CDK11B: variants seen among roughly 807,000 people sequenced by gnomAD.
The protein encoded by CDK11B is cyclin-dependent kinase 11B.
Under a neutral mutation model 84.0 loss-of-function variants are expected in CDK11B, and 37 were observed. The observed-to-expected ratio is 0.44, with a 90% confidence interval of 0.34 to 0.58. The LOEUF (loss-of-function observed/expected upper bound fraction) is 0.58. Ranked by LOEUF, CDK11B falls within the 20% of genes least tolerant of loss-of-function variation. The pLI, the probability that CDK11B is intolerant of heterozygous loss-of-function variation, is 0.02. For synonymous variants in CDK11B, 269 were observed against 309.8 expected (o/e 0.87, Z 1.38); for missense variants, 427 against 834.0 (o/e 0.51, Z 6.01).
intron 17 of CDK11B, 54 bp from the exon 18 acceptor site, chr1:1,636,535 C>A (rs1639320529): frequency 1.9e-6 from 3 of 1,586,098 alleles, no homozygotes; most frequent in Non-Finnish European, 2.6e-6. Context: ...AGTGTTGGCA[C>A]CTGTGTCCCG....
chr1:1,636,974 C>T lies in CDK11B; in HGVS notation c.1723G>A (p.Gly575Arg), dbSNP rs1225987760. The change falls in exon 16 of 20, where the codon GGA becomes AGA. Residue 575 changes from glycine (G) to arginine (R), a missense_variant. Gly to Arg is a moderately radical substitution (Grantham distance 125). Coordinates refer to ENST00000341832, the MANE Select transcript of CDK11B (RefSeq NM_033486.3). Reference sequence around the variant, plus strand: ...GGGGTGTAGGCCTTCAGAGGGGATCCGTACTCCCGCGCCAGCCCGAAGTCA... The same window carrying T: ...GGGGTGTAGGCCTTCAGAGGGGATCTGTACTCCCGCGCCAGCCCGAAGTCA... ...VGDFGLAREY[G>R]SPLKAYTPVV... The T allele has an allele frequency of 2.5e-6, 4 of 1,610,920 alleles. No individual in the cohort carries two copies. The highest frequency in any genetic ancestry group is 1.7e-5 in the Admixed American group (1 of 59,906).
In CDK11B at chr1:1,652,494, T is replaced by G; in HGVS notation, c.300A>C (p.Arg100Ser). Reference sequence around the variant, plus strand: ...GTTTCTCTTTTCTCTTTTCATCTTTTCTGTGATGAGCTTTTTCTTTCCGAG... The same window carrying G: ...GTTTCTCTTTTCTCTTTTCATCTTTGCTGTGATGAGCTTTTTCTTTCCGAG... The part of the protein sequence containing the change: ...QMSRKEKAHH[R>S]KDEKRKEKRR... Residue 100 changes from arginine (R) to serine (S), a missense_variant, in exon 4 of 20, where the codon AGA becomes AGC. Physicochemically the swap from Arg to Ser is moderately radical, Grantham distance 110. Around this residue, in one of 12 missense-constraint regions of CDK11B, gnomAD observed 9 missense variants for 35.4 expected, o/e 0.25. Transcript: ENST00000341832. 1 of 1,515,162 alleles carries G rather than the reference T, an allele frequency of 6.6e-7. No individual in the cohort carries two copies. Among genetic ancestry groups the G allele is most frequent in the Non-Finnish European group, 8.8e-7 (1 of 1,141,364 alleles). The allele number at this position is 1,515,162 out of a possible 1,614,324, so 93.9% of individuals were successfully genotyped here. A position where few individuals can be genotyped will look rare whatever the true frequency, so the allele number is the denominator to read the frequency against.
chr1:1,652,567 C>T lies in CDK11B; in HGVS notation c.228-1G>A. The stretch of plus-strand genomic sequence containing the variant: ...GGCCAAAGAATCATCTTCTTCTCCT[C>T]TGAAATAAAACACAACAGCACTGCA... On this transcript the variant is annotated splice_acceptor_variant, in intron 3 of 19. Transcript: ENST00000341832. LOFTEE classifies it high-confidence loss of function. 2 of 1,457,714 alleles carry T rather than the reference C, an allele frequency of 1.4e-6. No homozygotes were observed. The highest frequency in any genetic ancestry group is 1.8e-6 in the Non-Finnish European group (2 of 1,110,492). The allele number at this position is 1,457,714 out of a possible 1,614,324, so 90.3% of individuals were successfully genotyped here.
intron 4 of CDK11B, among the ~76,000 whole-genome samples, chr1:1,649,843 CAG>C (rs1448317450): frequency 1.3e-5 from 2 of 150,976 alleles, no homozygotes; most frequent in Admixed American, 1.3e-4. Flanking sequence ...GGCGTGGTGG[CAG>C]GCACCTGTAA....
intron 3 of CDK11B, 99 bp downstream of exon 3, chr1:1,655,270 T>C (rs1642593420): frequency 2.9e-6 from 4 of 1,397,890 alleles, no homozygotes; most frequent in Non-Finnish European, 3.8e-6. Context: ...TAAACCTTAA[T>C]AGTTACAACA....
Position 1,636,675 on chromosome 1 carries a change from G to C in CDK11B, c.1917+7C>G, listed in dbSNP as rs780773250. 1.2e-6 allele frequency: 2 copies of C among 1,613,896 alleles called. No homozygotes were observed. Among genetic ancestry groups the C allele is most frequent in the South Asian group, 1.1e-5 (1 of 91,078 alleles). On this transcript the variant is annotated splice_region_variant and intron_variant, in intron 17 of 19. Transcript: ENST00000341832. The stretch of plus-strand genomic sequence containing the variant: ...CCACAGCGCACCTGCAGCAGGGCCA[G>C]ACCCACCTTGAACACCTTGTTGATC...
chr1:1,635,454 C>T lies in CDK11B; in HGVS notation c.*310G>A. ...CACCCGGCTCCCACCAGTTCCTTTCCAAATCACGGCCCAGCCAGCCCCGTG... is the reference window on the plus strand; with the variant it reads ...CACCCGGCTCCCACCAGTTCCTTTCTAAATCACGGCCCAGCCAGCCCCGTG... On this transcript the variant is annotated 3_prime_UTR_variant, in exon 20 of 20. Coordinates refer to ENST00000341832, the MANE Select transcript of CDK11B (RefSeq NM_033486.3). 3 of 207,852 alleles carry T rather than the reference C, an allele frequency of 1.4e-5. No individual in the cohort carries two copies. The highest frequency in any genetic ancestry group is 2.5e-5 in the Non-Finnish European group (3 of 121,946). The allele number at this position is 207,852 out of a possible 1,614,324, so 12.9% of individuals were successfully genotyped here.
chr1:1,654,534 C>T (rs1372834168), intron 3 of CDK11B, among the ~76,000 whole-genome samples: 4 of 152,190 alleles, frequency 2.6e-5, no homozygotes, highest in Non-Finnish European at 4.4e-5. Context: ...CTGCCTGCCT[C>T]GGCCTCCCAA....
At chr1:1,656,657 G>C (rs1184047233) in intron 2 of CDK11B, among the ~76,000 whole-genome samples, 2 of 152,100 alleles carry the variant, frequency 1.3e-5, no homozygotes, top group Admixed American at 6.5e-5. Context: ...TGGCATGTTG[G>C]TGGGCCCCTG....
At chr1:1,648,990 C>T (rs1001570136) in intron 5 of CDK11B, among the ~76,000 whole-genome samples, 1 of 152,178 alleles carries the variant, frequency 6.6e-6, no homozygotes, top group African/African-American at 2.4e-5. Flanking sequence ...CACACCCGTT[C>T]TTACTTCCAG....
intron 3 of CDK11B, among the ~76,000 whole-genome samples, chr1:1,653,150 G>C (rs75100210): frequency 6.6e-6 from 1 of 151,926 alleles, no homozygotes; most frequent in African/African-American, 2.4e-5. Flanking sequence ...TCTGCCTAAG[G>C]AGTAGCTGGG....
At chr1:1,649,157 T>G (rs1641567149) in intron 5 of CDK11B, among the ~76,000 whole-genome samples, 3 of 152,140 alleles carry the variant, frequency 2.0e-5, no homozygotes, top group Non-Finnish European at 4.4e-5. Flanking sequence ...TGGAGTGCAG[T>G]GGCGGGATCT....
Position 1,647,650 on chromosome 1 carries a change from G to A in CDK11B, c.494+1849C>T, listed in dbSNP as rs566785740. Among the ~76,000 whole-genome samples the A allele has an allele frequency of 1.9e-3, 293 of 152,344 alleles. 2 individuals are homozygous for A. The highest frequency in any genetic ancestry group is 6.4e-3 in the African/African-American group (265 of 41,562). On this transcript the variant is annotated intron_variant, in intron 5 of 19. Transcript: ENST00000341832. ...TCTATTTTCTGCCAGGTCCTTTCAC[G>A]CAGCTGCATCCTCAGGGCTGGTCAC... is the stretch of plus-strand genomic sequence containing the variant.
intron 4 of CDK11B, 59 bp downstream of exon 4, chr1:1,652,380 A>G: frequency 7.3e-7 from 1 of 1,371,234 alleles, no homozygotes; most frequent in Non-Finnish European, 9.7e-7. Flanking sequence ...GCAGAAGAGT[A>G]GGAACAGGAA....
intron 5 of CDK11B, 52 bp downstream of exon 5, chr1:1,649,447 A>G: frequency 7.6e-7 from 1 of 1,313,880 alleles, no homozygotes. Context: ...CTAGGATGGG[A>G]CACACTACCA....
At chr1:1,647,756 C>T (rs1044634074) in intron 5 of CDK11B, among the ~76,000 whole-genome samples, 2 of 152,232 alleles carry the variant, frequency 1.3e-5, no homozygotes, top group Non-Finnish European at 2.9e-5. Context: ...CCACACTGTA[C>T]TTCATTCTAG....
Position 1,640,413 on chromosome 1 carries a change from T to A in CDK11B, c.1115A>T (p.Glu372Val). 6.2e-7 allele frequency: 1 copy of A among 1,613,666 alleles called. No homozygotes were observed. The highest frequency in any genetic ancestry group is 8.5e-7 in the Non-Finnish European group (1 of 1,179,610). ...SRFDRDSGES[E>V]EAEEEVGEGT... ...CTCACCCACTTCTTCCTCTGCTTCT[T>A]CACTCTCCCCGGAATCTCGGTCGAA... is the stretch of plus-strand genomic sequence containing the variant. The change falls in exon 11 of 20, where the codon GAA becomes GTA. Residue 372 changes from glutamate to valine, a missense_variant. Glu to Val is a moderately radical substitution (Grantham distance 121, BLOSUM62 -2). Around this residue, in one of 12 missense-constraint regions of CDK11B, gnomAD observed 43 missense variants for 61.8 expected, o/e 0.70. Coordinates refer to ENST00000341832, the MANE Select transcript of CDK11B (RefSeq NM_033486.3).
intron 3 of CDK11B, 107 bp from the exon 4 acceptor site, chr1:1,652,673 A>G: frequency 1.3e-6 from 1 of 758,558 alleles, no homozygotes; most frequent in Non-Finnish European, 2.0e-6. Flanking sequence ...TCAGACAGGA[A>G]CAAAGCTGAA....
chr1:1,637,540 G>C, intron 13 of CDK11B, 27 bp from the exon 14 acceptor site: 2 of 1,610,892 alleles, frequency 1.2e-6, no homozygotes, highest in Non-Finnish European at 1.7e-6. Flanking sequence ...TGTGGGTGCT[G>C]GGCACCTCCA....
Sources: gnomAD v4.1 joint callset for allele counts (sites outside exome capture counted in the v4.1 genomes callset) on GRCh38, gnomAD v4.1.1 for gene constraint, gnomAD v4.1.1 regional missense constraint, MANE v1.5 for transcripts, NCBI Gene and HGNC (gene_info 2026-07-23, HGNC 2026-07-21) for gene names.